Variants in CD6 observed in about 807,000 individuals in gnomAD.
CD6 encodes T-cell differentiation antigen CD6.
In CD6, 53 loss-of-function variants were observed where a neutral mutation model predicts 75.3. The ratio of observed to expected loss-of-function variants is 0.70; its 90% confidence interval spans 0.56 to 0.88. The LOEUF is 0.88. Ranked by LOEUF, CD6 falls within the 40% of genes least tolerant of loss-of-function variation. The pLI is 0.00. For synonymous variants in CD6, 359 were observed against 381.5 expected (o/e 0.94, Z 0.69); for missense variants, 770 against 897.1 (o/e 0.86, Z 1.81).
chr11:61,012,907 T>C (rs1859214526), intron 6 of CD6, among the ~76,000 whole-genome samples: 2 of 152,192 alleles, frequency 1.3e-5, no homozygotes, highest in Admixed American at 1.3e-4. Flanking sequence ...GAAGTCAGCG[T>C]TGGTCTTCCC....
rs1195025648 is a variant in CD6 at position 61,008,763 on chromosome 11, C to T, written c.699C>T (p.Ala233=). ...GGGACCAGGTGAACTGCTCGGGGGC[C>T]GAAGCTTACCTGTGGGACTGCCCGG... ...IHRDQVNCSG[A]EAYLWDCPGL... The change falls in exon 4 of 13, where the codon GCC becomes GCT. Residue 233 remains alanine (A), a synonymous_variant. Coordinates refer to ENST00000313421, the MANE Select transcript of CD6 (RefSeq NM_006725.5). 1 of 1,602,762 alleles carries T rather than the reference C, an allele frequency of 6.2e-7. No homozygotes were observed. The highest frequency in any genetic ancestry group is 8.5e-7 in the Non-Finnish European group (1 of 1,172,878).
Position 60,997,278 on chromosome 11 carries a change from T to C in CD6, c.50-9296T>C, listed in dbSNP as rs1187789763. The stretch of plus-strand genomic sequence containing the variant: ...CTATAGTCCCAGCTACTCAGGGCGC[T>C]GAGGCAGGAGAATCGCTTGAACCTG... On this transcript the variant is annotated intron_variant, in intron 1 of 12. Transcript: ENST00000313421. 2.0e-5 allele frequency among the ~76,000 whole-genome samples: 3 copies of C among 151,194 alleles called. No individual in the cohort carries two copies. In the East Asian group the frequency reaches 5.8e-4, roughly 29 times the overall value.
chr11:60,996,225 G>A (rs1858288288), intron 1 of CD6, among the ~76,000 whole-genome samples: 1 of 152,224 alleles, frequency 6.6e-6, no homozygotes, highest in African/African-American at 2.4e-5. Context: ...TTACTGCTGA[G>A]CTGTGCCAGA....
At chr11:60,981,294 C>A (rs1447279542) in intron 1 of CD6, among the ~76,000 whole-genome samples, 1 of 152,148 alleles carries the variant, frequency 6.6e-6, no homozygotes, top group Non-Finnish European at 1.5e-5. Context: ...TAGATCGCAC[C>A]ACTAATAGAT....
intron 3 of CD6, 57 bp from the exon 4 acceptor site, chr11:61,008,477 C>T (rs924109496): frequency 6.8e-7 from 1 of 1,465,700 alleles, no homozygotes; most frequent in African/African-American, 1.4e-5. Flanking sequence ...AACCATCACC[C>T]CAACCCTCCC....
At chr11:60,995,890 G>C (rs1381113578) in intron 1 of CD6, among the ~76,000 whole-genome samples, 1 of 152,174 alleles carries the variant, frequency 6.6e-6, no homozygotes, top group Non-Finnish European at 1.5e-5. Flanking sequence ...GCGGGGGAAG[G>C]GTGGGTTATC....
rs1314098805 is a variant in CD6, at chr11:61,019,529, T to C, written c.*211T>C. 3 of 436,912 alleles carry C rather than the reference T, an allele frequency of 6.9e-6. No individual in the cohort carries two copies. The highest frequency in any genetic ancestry group is 3.9e-5 in the Admixed American group (1 of 25,742). 27.1% of individuals were successfully genotyped at this position (436,912 alleles called of 1,614,324 possible). Reference sequence around the variant, plus strand: ...GCCACAGCCCTCCCCCGGCCCCAGATAGCAGCCCCAGGGAGGATGCTGCCT... The same window carrying C: ...GCCACAGCCCTCCCCCGGCCCCAGACAGCAGCCCCAGGGAGGATGCTGCCT... On this transcript the variant is annotated 3_prime_UTR_variant, in exon 13 of 13. Coordinates refer to ENST00000313421, the MANE Select transcript of CD6 (RefSeq NM_006725.5).
At chr11:60,979,099 TC>T (rs1247360930) in intron 1 of CD6, among the ~76,000 whole-genome samples, 1 of 152,216 alleles carries the variant, frequency 6.6e-6, no homozygotes, top group Non-Finnish European at 1.5e-5. Flanking sequence ...AGCTTGGGTC[TC>T]CCAGCCAGCA....
intron 4 of CD6, 68 bp downstream of exon 4, chr11:61,008,913 C>T: frequency 1.5e-6 from 2 of 1,361,506 alleles, no homozygotes; most frequent in Non-Finnish European, 1.9e-6. Flanking sequence ...GGGCGCCAAG[C>T]CTGGAGTTAG....
In CD6 at chr11:60,992,091, G is replaced by T. The variant is rs1391019469; in HGVS notation, c.50-14483G>T. On this transcript the variant is annotated intron_variant, in intron 1 of 12. Coordinates refer to ENST00000313421, the MANE Select transcript of CD6 (RefSeq NM_006725.5). ...GACAAGGTTTTGCCTTGTTGCTTAA[G>T]CTGGTCTCAAATTCCTGCGCTCAAG... Among the ~76,000 whole-genome samples, 10 of 152,262 alleles carry T rather than the reference G, an allele frequency of 6.6e-5. No homozygotes were observed. The South Asian group carries it at 2.1e-3, about 32-fold the overall frequency.
intron 1 of CD6, among the ~76,000 whole-genome samples, chr11:60,977,319 G>A (rs1480736728): frequency 6.6e-6 from 1 of 152,078 alleles, no homozygotes; most frequent in Non-Finnish European, 1.5e-5. Flanking sequence ...GACCTCCCAG[G>A]TGCGTGGCCA....
chr11:61,018,000 G>C lies in CD6; in HGVS notation c.1824G>C (p.Gln608His), dbSNP rs1225841528. ...CAAACTTGGAGCTGGCCGGCACCCA[G>C]CCAGCCTTTTCAGGTAAGCTGTGCC... ...QPPNLELAGT[Q>H]PAFSAGPPAD... The change falls in exon 11 of 13, where the codon CAG becomes CAC. Residue 608 changes from glutamine (Q) to histidine (H), a missense_variant. By Grantham distance (24) the Gln-to-His change is conservative (BLOSUM62 0). Coordinates refer to ENST00000313421, the MANE Select transcript of CD6 (RefSeq NM_006725.5). 4 of 1,611,350 alleles carry C rather than the reference G, an allele frequency of 2.5e-6. No homozygotes were observed. The South Asian group carries it at 4.4e-5, about 18-fold the overall frequency.
intron 1 of CD6, among the ~76,000 whole-genome samples, chr11:60,990,061 T>C (rs577381304): frequency 6.6e-6 from 1 of 152,264 alleles, no homozygotes; most frequent in South Asian, 2.1e-4. Flanking sequence ...TTAGTAAAAA[T>C]AGTACAGAAT....
intron 8 of CD6, 151 bp from the exon 9 acceptor site, chr11:61,015,562 C>A: frequency 2.3e-6 from 2 of 872,760 alleles, no homozygotes; most frequent in South Asian, 1.6e-5. Flanking sequence ...CAGAGTGAGA[C>A]CCTGTCCCAG....
chr11:60,986,253 G>A (rs1857812739), intron 1 of CD6, among the ~76,000 whole-genome samples: 1 of 152,214 alleles, frequency 6.6e-6, no homozygotes, highest in Non-Finnish European at 1.5e-5. Context: ...ACACAACCCG[G>A]CTGTTTGTTC....
chr11:61,007,838 G>A lies in CD6; in HGVS notation c.397G>A (p.Glu133Lys), dbSNP rs1858943862. 2 of 1,428,236 alleles carry A rather than the reference G, an allele frequency of 1.4e-6. No individual in the cohort carries two copies. Among genetic ancestry groups the A allele is most frequent in the Middle Eastern group, 2.1e-4 (1 of 4,704 alleles). 88.5% of individuals were successfully genotyped at this position (1,428,236 alleles called of 1,614,324 possible). Residue 133 changes from glutamate to lysine, a missense_variant, in exon 3 of 13, where the codon GAG (glutamate) becomes AAG (lysine). By Grantham distance (56) the Glu-to-Lys change is moderately conservative (BLOSUM62 1). Transcript: ENST00000313421. The surrounding 1 kb of genome is among the most constrained non-coding windows in gnomAD (Gnocchi z 4.2). ...GAPALLCSGA[E>K]WRLCEVVEHA... ...GCCCGCCCTCCTGTGCAGCGGCGCCGAGTGGCGGCTCTGCGAGGTGGTGGA... is the reference window on the plus strand; with the variant it reads ...GCCCGCCCTCCTGTGCAGCGGCGCCAAGTGGCGGCTCTGCGAGGTGGTGGA...
chr11:61,007,678 C>A lies in CD6; in HGVS notation c.237C>A (p.Ala79=). ...ACGALWDSRA[A]EAVCRALGCG... ...GGGCGCTCTGGGACAGCCGCGCCGCCGAGGCCGTGTGCCGAGCACTGGGCT... is the reference window on the plus strand; with the variant it reads ...GGGCGCTCTGGGACAGCCGCGCCGCAGAGGCCGTGTGCCGAGCACTGGGCT... The change falls in exon 3 of 13, where the codon GCC becomes GCA. Residue 79 remains alanine (A), a synonymous_variant. Coordinates refer to ENST00000313421, the MANE Select transcript of CD6 (RefSeq NM_006725.5). The surrounding 1 kb of genome is among the most constrained non-coding windows in gnomAD (Gnocchi z 4.2). 1.4e-6 allele frequency: 2 copies of A among 1,419,552 alleles called. No individual in the cohort carries two copies. Among genetic ancestry groups the A allele is most frequent in the Non-Finnish European group, 1.8e-6 (2 of 1,086,518 alleles). The allele number at this position is 1,419,552 out of a possible 1,614,324, so 87.9% of individuals were successfully genotyped here. A position where few individuals can be genotyped will look rare whatever the true frequency, so the allele number is the denominator to read the frequency against.
chr11:61,009,530 A>G (rs1859041380), intron 4 of CD6, 42 bp from the exon 5 acceptor site: 2 of 1,521,462 alleles, frequency 1.3e-6, no homozygotes, highest in Admixed American at 2.0e-5. Context: ...TTTCTGCCCA[A>G]AGGATTCTGA....
chr11:61,007,632 C>T lies in CD6; in HGVS notation c.191C>T (p.Ala64Val). Residue 64 changes from alanine (A) to valine (V), a missense_variant, in exon 3 of 13, where the codon GCG becomes GTG. Ala to Val is a moderately conservative substitution (Grantham distance 64). Coordinates refer to ENST00000313421, the MANE Select transcript of CD6 (RefSeq NM_006725.5). This position sits in a 1 kb window ranked among gnomAD's most constrained non-coding sequence, Gnocchi z 4.2. ...GGGACGGTGGAGGTGCGGCTCGAGGCGTCCTGGGAGCCCGCGTGCGGGGCG... is the reference window on the plus strand; with the variant it reads ...GGGACGGTGGAGGTGCGGCTCGAGGTGTCCTGGGAGCCCGCGTGCGGGGCG... ...CSGTVEVRLE[A>V]SWEPACGALW... 1.4e-6 allele frequency: 2 copies of T among 1,481,098 alleles called. No homozygotes were observed. The highest frequency in any genetic ancestry group is 2.4e-5 in the Admixed American group (1 of 41,744). 91.7% of individuals were successfully genotyped at this position (1,481,098 alleles called of 1,614,324 possible). A position where few individuals can be genotyped will look rare whatever the true frequency, so the allele number is the denominator to read the frequency against.
Sources: allele counts gnomAD v4.1 joint callset (sites outside exome capture counted in the v4.1 genomes callset), GRCh38; gene constraint gnomAD v4.1.1; non-coding constraint Gnocchi (gnomAD v3.1); transcripts MANE v1.5; gene names NCBI Gene and HGNC (gene_info 2026-07-23, HGNC 2026-07-21).